The following ENTREP2 variants were observed in gnomAD, a reference collection of about 807,000 sequenced individuals.
The protein encoded by ENTREP2 is protein ENTREP2.
At chr15:29,390,788 T>C in the ENTREP2 span, among the ~76,000 whole-genome samples, 1 of 152,214 alleles carries the variant, frequency 6.6e-6, no homozygotes, top group South Asian at 2.1e-4. Flanking sequence ...GATCATAAAG[T>C]CTGGTCCAAA....
At chr15:29,654,621 G>C in the ENTREP2 span, among the ~76,000 whole-genome samples, 1 of 152,148 alleles carries the variant, frequency 6.6e-6, no homozygotes, top group African/African-American at 2.4e-5. Flanking sequence ...GAGATGGTGA[G>C]ATCCATATCT....
chr15:29,564,408 C>T, the ENTREP2 span, among the ~76,000 whole-genome samples: 4 of 152,162 alleles, frequency 2.6e-5, no homozygotes, highest in Non-Finnish European at 5.9e-5. Flanking sequence ...ACCATCTGAA[C>T]CTATTTTCTC....
chr15:29,120,557 T>TG, the ENTREP2 span: 1 of 152,344 alleles, frequency 6.6e-6, no homozygotes, highest in Admixed American at 6.5e-5. Flanking sequence ...GCCATAGAGT[T>TG]GGGGTCCATG....
the ENTREP2 span, among the ~76,000 whole-genome samples, chr15:29,206,432 G>T: frequency 6.6e-6 from 1 of 152,060 alleles, no homozygotes; most frequent in Admixed American, 6.6e-5. Context: ...CCCTTATGCT[G>T]GTGATGCTCA....
the ENTREP2 span, among the ~76,000 whole-genome samples, chr15:29,130,343 G>T: frequency 6.6e-6 from 1 of 152,148 alleles, no homozygotes; most frequent in Non-Finnish European, 1.5e-5. Context: ...CTTTTTCACT[G>T]AAGTCATTAT....
At chr15:29,187,692 C>A in the ENTREP2 span, among the ~76,000 whole-genome samples, 3 of 152,292 alleles carry the variant, frequency 2.0e-5, no homozygotes, top group African/African-American at 7.2e-5. Flanking sequence ...CAAAAATTTT[C>A]TCTGAATGAA....
chr15:29,565,393 CAA>C, the ENTREP2 span, among the ~76,000 whole-genome samples: 4 of 135,042 alleles, frequency 3.0e-5, no homozygotes, highest in Admixed American at 7.5e-5. Flanking sequence ...AATCTATCCT[CAA>C]AAAAAAAAAA....
At chr15:29,150,045 T>G in the ENTREP2 span, among the ~76,000 whole-genome samples, 1 of 152,196 alleles carries the variant, frequency 6.6e-6, no homozygotes, top group Non-Finnish European at 1.5e-5. Context: ...TCTGCAGACA[T>G]TGCTGCGACG....
At chr15:29,628,325 T>C in the ENTREP2 span, among the ~76,000 whole-genome samples, 1 of 152,350 alleles carries the variant, frequency 6.6e-6, no homozygotes, top group Non-Finnish European at 1.5e-5. Flanking sequence ...GAGTTGCTTG[T>C]GGTTTGTTAC....
the ENTREP2 span, among the ~76,000 whole-genome samples, chr15:29,264,313 A>G: frequency 2.0e-5 from 3 of 152,098 alleles, no homozygotes; most frequent in Non-Finnish European, 4.4e-5. Flanking sequence ...TGATAATAAA[A>G]GATTAGATAA....
At chr15:29,162,226 C>CAGAG in the ENTREP2 span, among the ~76,000 whole-genome samples, 3 of 152,268 alleles carry the variant, frequency 2.0e-5, no homozygotes, top group East Asian at 5.8e-4. Context: ...GGAGGGCAGC[C>CAGAG]AGAGGAGCGA....
At chr15:29,547,799 AG>A in the ENTREP2 span, among the ~76,000 whole-genome samples, 1 of 152,236 alleles carries the variant, frequency 6.6e-6, no homozygotes, top group African/African-American at 2.4e-5. Context: ...CCATGTTCAT[AG>A]CAGCACTATT....
chr15:29,265,764 T>C, the ENTREP2 span: 1 of 152,168 alleles, frequency 6.6e-6, no homozygotes, highest in African/African-American at 2.4e-5. Flanking sequence ...CATAAATCAG[T>C]GTGGAAAGTA....
the ENTREP2 span, among the ~76,000 whole-genome samples, chr15:29,292,426 G>A: frequency 5.3e-5 from 8 of 151,038 alleles, no homozygotes; most frequent in African/African-American, 1.9e-4. Context: ...TGTTGCCCAG[G>A]ATGGAGTACA....
At chr15:29,368,680 T>C in the ENTREP2 span, among the ~76,000 whole-genome samples, 1 of 151,874 alleles carries the variant, frequency 6.6e-6, no homozygotes. Context: ...GAGACCAGCC[T>C]GGGCAACATA....
the ENTREP2 span, among the ~76,000 whole-genome samples, chr15:29,177,218 C>G: frequency 1.3e-5 from 2 of 152,118 alleles, no homozygotes; most frequent in Non-Finnish European, 2.9e-5. Flanking sequence ...CGAGGGGTCC[C>G]GCTCTCGTGT....
At chr15:29,355,937 G>C in the ENTREP2 span, among the ~76,000 whole-genome samples, 2 of 152,148 alleles carry the variant, frequency 1.3e-5, no homozygotes, top group East Asian at 3.9e-4. Context: ...GGGGGTTTTA[G>C]ATGCACAGAA....
At chr15:29,136,594 G>T in the ENTREP2 span, 1 of 1,357,630 alleles carries the variant, frequency 7.4e-7, no homozygotes. Context: ...GGCGGCCAGG[G>T]CTTCCCCTCT....
chr15:29,222,109 G>A, the ENTREP2 span, among the ~76,000 whole-genome samples: 64,359 of 151,786 alleles, frequency 0.42, 13,941 homozygotes, highest in East Asian at 0.6. Context: ...TTCTAATGAG[G>A]TAGGAGGTCA....
Sources: gnomAD v4.1 joint callset for allele counts (sites outside exome capture counted in the v4.1 genomes callset) on GRCh38, gnomAD v4.1.1 for gene constraint, MANE v1.5 for transcripts, NCBI Gene and HGNC (gene_info 2026-07-23, HGNC 2026-07-21) for gene names.